SLC35D4: variants seen among roughly 807,000 people sequenced by gnomAD.
SLC35D4 encodes the protein UDP-N-acetylglucosamine transporter SLC35D4.
At chr18:23,299,964 A>G in the SLC35D4 span, among the ~76,000 whole-genome samples, 1 of 152,190 alleles carries the variant, frequency 6.6e-6, no homozygotes, top group Non-Finnish European at 1.5e-5. Context: ...ACGAATGTCC[A>G]TGTTATGAAC....
At chr18:23,405,444 C>T in the SLC35D4 span, among the ~76,000 whole-genome samples, 1 of 152,190 alleles carries the variant, frequency 6.6e-6, no homozygotes, top group Admixed American at 6.5e-5. Flanking sequence ...CCTGCCTTGG[C>T]CTCCCAAAGT....
At chr18:23,404,772 G>C in the SLC35D4 span, among the ~76,000 whole-genome samples, 1 of 149,944 alleles carries the variant, frequency 6.7e-6, no homozygotes, top group Non-Finnish European at 1.5e-5. Flanking sequence ...CAGATTACAA[G>C]GTAAAGAGAT....
chr18:23,384,114 C>A, the SLC35D4 span, among the ~76,000 whole-genome samples: 1 of 151,120 alleles, frequency 6.6e-6, no homozygotes. Flanking sequence ...CATAGCAAGA[C>A]CCTATCTCTA....
At chr18:23,437,186 C>T in the SLC35D4 span, among the ~76,000 whole-genome samples, 1 of 152,210 alleles carries the variant, frequency 6.6e-6, no homozygotes, top group Admixed American at 6.5e-5. Flanking sequence ...TTCTCTGCCT[C>T]CTCACCAAAA....
At chr18:23,329,297 A>C in the SLC35D4 span, among the ~76,000 whole-genome samples, 1 of 152,240 alleles carries the variant, frequency 6.6e-6, no homozygotes, top group Admixed American at 6.5e-5. Flanking sequence ...AAATTTTTGC[A>C]ATCTATCCTT....
the SLC35D4 span, among the ~76,000 whole-genome samples, chr18:23,241,385 G>A: frequency 1.4e-4 from 21 of 152,210 alleles, no homozygotes; most frequent in East Asian, 3.7e-3. Flanking sequence ...ACAAAAATTA[G>A]CTGGGCATAG....
At chr18:23,318,358 T>C in the SLC35D4 span, among the ~76,000 whole-genome samples, 5 of 152,226 alleles carry the variant, frequency 3.3e-5, no homozygotes, top group Non-Finnish European at 7.3e-5. Context: ...TATGATTTGT[T>C]TGTGGGTTGT....
chr18:23,328,042 T>C, the SLC35D4 span, among the ~76,000 whole-genome samples: 1 of 152,336 alleles, frequency 6.6e-6, no homozygotes, highest in South Asian at 2.1e-4. Flanking sequence ...TAGGTATTGA[T>C]GGGACGTATC....
At chr18:23,239,553 T>C in the SLC35D4 span, among the ~76,000 whole-genome samples, 3 of 152,248 alleles carry the variant, frequency 2.0e-5, no homozygotes, top group Non-Finnish European at 4.4e-5. Context: ...TGCATTTGCA[T>C]TGAACTTGTA....
the SLC35D4 span, among the ~76,000 whole-genome samples, chr18:23,351,291 C>T: frequency 7.9e-5 from 12 of 151,944 alleles, no homozygotes; most frequent in African/African-American, 2.9e-4. Context: ...CCTGTAATCC[C>T]AGCTACTTGG....
At chr18:23,371,731 A>C in the SLC35D4 span, among the ~76,000 whole-genome samples, 1 of 151,492 alleles carries the variant, frequency 6.6e-6, no homozygotes, top group Admixed American at 6.6e-5. Context: ...ATGACACCCC[A>C]AGACCTCTGT....
chr18:23,261,182 G>A, the SLC35D4 span, among the ~76,000 whole-genome samples: 3 of 152,160 alleles, frequency 2.0e-5, no homozygotes, highest in African/African-American at 7.2e-5. Flanking sequence ...CACCTAGTAC[G>A]GCTAGGTGTG....
At chr18:23,296,208 A>T in the SLC35D4 span, 1 of 152,154 alleles carries the variant, frequency 6.6e-6, no homozygotes, top group Non-Finnish European at 1.5e-5. Context: ...AAACCTGCAC[A>T]TTCTGCACGT....
At chr18:23,410,629 A>G in the SLC35D4 span, among the ~76,000 whole-genome samples, 1 of 151,458 alleles carries the variant, frequency 6.6e-6, no homozygotes, top group Non-Finnish European at 1.5e-5. Context: ...ACATGGTGAA[A>G]CCCCTAAAAA....
At chr18:23,266,912 T>G in the SLC35D4 span, among the ~76,000 whole-genome samples, 1 of 152,204 alleles carries the variant, frequency 6.6e-6, no homozygotes, top group African/African-American at 2.4e-5. Flanking sequence ...AGGGAGTGAC[T>G]CCTGGTTCGC....
At chr18:23,319,483 G>A in the SLC35D4 span, among the ~76,000 whole-genome samples, 1 of 152,016 alleles carries the variant, frequency 6.6e-6, no homozygotes, top group Non-Finnish European at 1.5e-5. Context: ...CGCTCTCGTT[G>A]CCCAGGCTGG....
chr18:23,308,848 T>TTCTCTCTCTCTCTC, the SLC35D4 span, among the ~76,000 whole-genome samples: 55 of 140,244 alleles, frequency 3.9e-4, no homozygotes, highest in South Asian at 1.7e-3. Context: ...AGCACGTGTT[T>TTCTCTCTCTCTCTC]TCTCTCTCTC....
At chr18:23,405,005 A>G in the SLC35D4 span, among the ~76,000 whole-genome samples, 16 of 149,672 alleles carry the variant, frequency 1.1e-4, no homozygotes, top group Admixed American at 1.1e-3. Context: ...AAAAAAAAAA[A>G]AAAAAAAAAA....
the SLC35D4 span, among the ~76,000 whole-genome samples, chr18:23,417,241 CAAAAAA>C: frequency 7.4e-6 from 1 of 134,520 alleles, no homozygotes; most frequent in Non-Finnish European, 1.6e-5. Flanking sequence ...GACCTTGCCT[CAAAAAA>C]AAAAAAAAAT....
Sources: gnomAD v4.1 joint callset for allele counts (sites outside exome capture counted in the v4.1 genomes callset) on GRCh38, gnomAD v4.1.1 for gene constraint, MANE v1.5 for transcripts, NCBI Gene and HGNC (gene_info 2026-07-23, HGNC 2026-07-21) for gene names.